Variants in STKLD1 observed in about 807,000 individuals in gnomAD.
STKLD1 encodes the protein serine/threonine kinase like domain containing 1, also known as serine/threonine kinase-like domain-containing protein STKLD1.
STKLD1 carries 79 observed loss-of-function variants against 80.4 expected under a neutral mutation model. The observed-to-expected ratio is 0.98, with a 90% CI of 0.82 to 1.19. STKLD1 has a LOEUF of 1.19. STKLD1 is among the 50% of genes most tolerant of loss of function. The pLI, the probability that STKLD1 is intolerant of heterozygous loss-of-function variation, is 0.00. For synonymous variants in STKLD1, 393 were observed against 357.6 expected (o/e 1.10, Z -1.12); for missense variants, 841 against 856.0 (o/e 0.98, Z 0.22).
Position 133,385,831 on chromosome 9 carries a change from C to T in STKLD1, c.294+140C>T, listed in dbSNP as rs1009064178. On this transcript the variant is annotated intron_variant, in intron 4 of 17. Coordinates refer to ENST00000371957, the MANE Select transcript of STKLD1 (RefSeq NM_153710.5). This position sits in a 1 kb window ranked among gnomAD's most constrained non-coding sequence, Gnocchi z 4.9. ...GGCAGTGACTGTAAACGTGGCCACC[C>T]CTGACCTAACACTCACTGGGGCCAG... The T allele has an allele frequency of 2.4e-5, 17 of 717,094 alleles. No homozygotes were observed. The highest frequency in any genetic ancestry group is 1.7e-4 in the Admixed American group (7 of 41,702). 44.4% of individuals were successfully genotyped at this position (717,094 alleles called of 1,614,324 possible).
intron 2 of STKLD1, among the ~76,000 whole-genome samples, chr9:133,380,798 G>A (rs1298081475): frequency 6.6e-6 from 1 of 152,062 alleles, no homozygotes; most frequent in African/African-American, 2.4e-5. Context: ...TTGGATTCAG[G>A]AGAATGGTAT....
At chr9:133,396,036 C>A in intron 9 of STKLD1, 1 of 272,882 alleles carries the variant, frequency 3.7e-6, no homozygotes, top group Non-Finnish European at 6.8e-6. Context: ...TTTAGGGTTC[C>A]AGAAAAAAGT....
At position 133,403,896 on chromosome 9, in the gene STKLD1, A is replaced by G. The variant is rs1554778187; in HGVS notation, c.1604-24A>G. The stretch of plus-strand genomic sequence containing the variant: ...TGGGCCTCATGGCACAGCAGGCACA[A>G]GGCAGCCCGGCCCCTTTCTGCAGGC... On this transcript the variant is annotated intron_variant, in intron 15 of 17. Transcript: ENST00000371957. 3.7e-6 allele frequency: 6 copies of G among 1,608,324 alleles called. No homozygotes were observed. In the South Asian group the frequency reaches 5.5e-5, roughly 15 times the overall value.
At position 133,376,592 on chromosome 9, in the gene STKLD1, C is replaced by A. The variant is rs2130249852; in HGVS notation, c.87+32C>A. ...AGTGTTCCCTGCGGGGAGGCGGGAG[C>A]TCCGTGGGGTAACGGTCGCAACCCT... On this transcript the variant is annotated intron_variant, in intron 1 of 17. Coordinates refer to ENST00000371957, the MANE Select transcript of STKLD1 (RefSeq NM_153710.5). 9.7e-4 allele frequency: 1,494 copies of A among 1,541,208 alleles called. 25 individuals are homozygous for A. The South Asian group carries it at 0.017, about 17-fold the overall frequency.
intron 14 of STKLD1, 35 bp downstream of exon 14, chr9:133,403,047 T>A (rs997435015): frequency 1.3e-6 from 2 of 1,536,122 alleles, no homozygotes; most frequent in Non-Finnish European, 1.8e-6. Context: ...CCACCGGGGC[T>A]GGCAGCCCTC....
chr9:133,389,002 C>G lies in STKLD1; in HGVS notation c.397-524C>G. On this transcript the variant is annotated intron_variant, in intron 5 of 17. Coordinates refer to ENST00000371957, the MANE Select transcript of STKLD1 (RefSeq NM_153710.5). The surrounding 1 kb of genome is among the most constrained non-coding windows in gnomAD (Gnocchi z 6.4). Reference sequence around the variant, plus strand: ...GCCCCCTCAGCCCCTCTCTGACACCCCAGGGTGGCCCTGAATCCAGGGGCC... The same window carrying G: ...GCCCCCTCAGCCCCTCTCTGACACCGCAGGGTGGCCCTGAATCCAGGGGCC... 8.1e-6 allele frequency: 8 copies of G among 985,422 alleles called. No individual in the cohort carries two copies. The highest frequency in any genetic ancestry group is 9.6e-6 in the Non-Finnish European group (8 of 829,928). The allele number at this position is 985,422 out of a possible 1,614,324, so 61.0% of individuals were successfully genotyped here.
At position 133,398,007 on chromosome 9, in the gene STKLD1, C is replaced by T; in HGVS notation, c.1033C>T (p.Gln345Ter). The T allele has an allele frequency of 1.2e-6, 2 of 1,613,622 alleles. No individual in the cohort carries two copies. The highest frequency in any genetic ancestry group is 2.2e-5 in the South Asian group (2 of 91,036). Residue 345 changes from glutamine (Q) to a stop codon, truncating the protein, a stop_gained, in exon 11 of 18, where the codon CAG becomes TAG. Transcript: ENST00000371957. LOFTEE classifies it high-confidence loss of function. Reference sequence around the variant, plus strand: ...GAAATTCTCTGGCTGGCCCGAAGTCCAGCTCAGGGCCATGAAGAGGCTTCT... The same window carrying T: ...GAAATTCTCTGGCTGGCCCGAAGTCTAGCTCAGGGCCATGAAGAGGCTTCT... ...MQKFSGWPEV[Q>*]LRAMKRLLKM...
Position 133,394,180 on chromosome 9 carries a change from T to C in STKLD1, c.584-111T>C. On this transcript the variant is annotated intron_variant, in intron 7 of 17. Coordinates refer to ENST00000371957, the MANE Select transcript of STKLD1 (RefSeq NM_153710.5). The surrounding 1 kb of genome is among the most constrained non-coding windows in gnomAD (Gnocchi z 4.9). Reference sequence around the variant, plus strand: ...GACCTGCAGGGCTTGTGTTTCAAGCTGCTTGCGGGGGGCCACCAAAGGGGA... The same window carrying C: ...GACCTGCAGGGCTTGTGTTTCAAGCCGCTTGCGGGGGGCCACCAAAGGGGA... 2.7e-6 allele frequency: 2 copies of C among 736,212 alleles called. No individual in the cohort carries two copies. The highest frequency in any genetic ancestry group is 4.9e-6 in the Non-Finnish European group (2 of 405,116). The allele number at this position is 736,212 out of a possible 1,614,324, so 45.6% of individuals were successfully genotyped here.
intron 9 of STKLD1, 124 bp from the exon 10 acceptor site, chr9:133,397,040 A>C: frequency 7.2e-7 from 1 of 1,383,076 alleles, no homozygotes; most frequent in Non-Finnish European, 9.8e-7. Context: ...ATCCCAAAAC[A>C]GGGAGTTCAG....
At position 133,399,253 on chromosome 9, in the gene STKLD1, C is replaced by CCAT. The variant is rs587602365; in HGVS notation, c.1082-1159_1082-1158insATC. 3.4e-3 allele frequency among the ~76,000 whole-genome samples: 524 copies of CCAT among 152,244 alleles called. 1 individual carries two copies. The highest frequency in any genetic ancestry group is 5.0e-3 in the Non-Finnish European group (343 of 68,010). Reference sequence around the variant, plus strand: ...TTACCTTCACATATCCATCCATCCACCCATCCACCCATCCATCCGTCTGTC... The same window carrying CCAT: ...TTACCTTCACATATCCATCCATCCACCATCCATCCACCCATCCATCCGTCTGTC... On this transcript the variant is annotated intron_variant, in intron 11 of 17. Transcript: ENST00000371957.
At chr9:133,379,179 C>G (rs2130259975) in intron 2 of STKLD1, 57 bp downstream of exon 2, 18 of 1,436,500 alleles carry the variant, frequency 1.3e-5, no homozygotes, top group Admixed American at 9.1e-5. Flanking sequence ...GTGATTTTCC[C>G]CAATACAAGC....
At position 133,394,544 on chromosome 9, in the gene STKLD1, TCTC is replaced by T. The variant is rs1199186975; in HGVS notation, c.702+137_702+139del. 4.3e-6 allele frequency: 3 copies of T among 697,622 alleles called. No homozygotes were observed. Among genetic ancestry groups the T allele is most frequent in the Middle Eastern group, 4.0e-4 (1 of 2,470 alleles). The allele number at this position is 697,622 out of a possible 1,614,324, so 43.2% of individuals were successfully genotyped here. ...CTCTGCAGGCTGCACAGAGCCCTCT[TCTC>T]CACCTGCGAGGGGCCTGCCCTCCTC... is the stretch of plus-strand genomic sequence containing the variant. On this transcript the variant is annotated intron_variant, in intron 8 of 17. Transcript: ENST00000371957. The surrounding 1 kb of genome is among the most constrained non-coding windows in gnomAD (Gnocchi z 4.9).
chr9:133,381,183 G>A lies in STKLD1; in HGVS notation c.174+2061G>A, dbSNP rs192925292. Among the ~76,000 whole-genome samples the A allele has an allele frequency of 4.6e-3, 577 of 124,742 alleles. 8 individuals carry two copies. The highest frequency in any genetic ancestry group is 0.017 in the African/African-American group (558 of 31,906). 81.8% of individuals were successfully genotyped at this position (124,742 alleles called of 152,430 possible). ...GATGGAGTTTTGCTCTTGTTGCCCA[G>A]GCTGGAGTACAGTGGTGTGATCTCA... On this transcript the variant is annotated intron_variant, in intron 2 of 17. Transcript: ENST00000371957.
chr9:133,377,079 C>T (rs185290416), intron 1 of STKLD1, among the ~76,000 whole-genome samples: 52 of 152,260 alleles, frequency 3.4e-4, no homozygotes, highest in South Asian at 1.0e-3. Context: ...AAAATGCATT[C>T]GCTTGGAAAC....
At chr9:133,387,979 G>C in intron 5 of STKLD1, 1 of 397,980 alleles carries the variant, frequency 2.5e-6, no homozygotes, top group South Asian at 1.8e-5. Flanking sequence ...CTGCCTGATT[G>C]CGCTGCAGGC....
At chr9:133,393,523 A>G (rs200286180) in intron 7 of STKLD1, among the ~76,000 whole-genome samples, 10 of 113,998 alleles carry the variant, frequency 8.8e-5, no homozygotes, top group Admixed American at 1.8e-4. Context: ...GTGGGTGGGT[A>G]GGTGTATGGA....
At chr9:133,387,325 T>G in intron 4 of STKLD1, 122 bp from the exon 5 acceptor site, 1 of 680,920 alleles carries the variant, frequency 1.5e-6, no homozygotes, top group Non-Finnish European at 2.6e-6. Flanking sequence ...CCCCCTCCAG[T>G]GGGCAGTGCT....
chr9:133,382,717 A>C (rs1838168315), intron 2 of STKLD1, among the ~76,000 whole-genome samples: 1 of 145,650 alleles, frequency 6.9e-6, no homozygotes, highest in Non-Finnish European at 1.5e-5. Flanking sequence ...GGGGATGGTG[A>C]CAGTGGTGTT....
At chr9:133,377,459 A>G (rs1369385721) in intron 1 of STKLD1, among the ~76,000 whole-genome samples, 1 of 152,178 alleles carries the variant, frequency 6.6e-6, no homozygotes, top group Non-Finnish European at 1.5e-5. Flanking sequence ...TGAGATCGGG[A>G]GTTCAAGACC....
Sources: gnomAD v4.1 joint callset for allele counts (sites outside exome capture counted in the v4.1 genomes callset) on GRCh38, gnomAD v4.1.1 for gene constraint, Gnocchi (gnomAD v3.1) non-coding constraint, MANE v1.5 for transcripts, NCBI Gene and HGNC (gene_info 2026-07-23, HGNC 2026-07-21) for gene names.